The following PCNA variants were observed in gnomAD, a reference collection of about 807,000 sequenced individuals.
PCNA encodes DNA sliding clamp PCNA.
In PCNA, 4 loss-of-function variants were observed where a neutral mutation model predicts 27.8. That is an observed-to-expected ratio of 0.14 (90% CI 0.07 to 0.33). PCNA has a LOEUF of 0.33. PCNA is among the 10% of genes least tolerant of loss of function. The pLI, the probability that PCNA is intolerant of heterozygous loss-of-function variation, is 1.00. For synonymous variants in PCNA, 121 were observed against 119.4 expected (o/e 1.01, Z -0.09); for missense variants, 165 against 327.4 (o/e 0.50, Z 3.83).
At chr20:5,117,984 T>G (rs1245013267) in intron 3 of PCNA, among the ~76,000 whole-genome samples, 1 of 152,234 alleles carries the variant, frequency 6.6e-6, no homozygotes, top group Admixed American at 6.5e-5. Context: ...ATATTAGGCA[T>G]TTTCAACATT....
intron 3 of PCNA, 45 bp downstream of exon 3, chr20:5,118,565 C>T: frequency 2.3e-6 from 3 of 1,291,188 alleles, no homozygotes; most frequent in Non-Finnish European, 3.4e-6. Flanking sequence ...ACATAACTAT[C>T]GTGCCTGTGT....
upstream of PCNA, among the ~76,000 whole-genome samples, chr20:5,124,279 G>A (rs1416356581): frequency 6.6e-6 from 1 of 152,054 alleles, no homozygotes. Flanking sequence ...ACAGAAATTC[G>A]ATCTCTAGGG....
intron 1 of PCNA, chr20:5,126,393 A>C (rs889899503): frequency 6.6e-6 from 1 of 152,292 alleles, no homozygotes; most frequent in Admixed American, 6.5e-5. Flanking sequence ...AAAGCAAAGC[A>C]GACTGAAGCG....
At chr20:5,119,001 G>C (rs1180146113) in intron 1 of PCNA, 135 bp from the exon 2 acceptor site, 3 of 642,448 alleles carry the variant, frequency 4.7e-6, no homozygotes, top group Non-Finnish European at 8.4e-6. Context: ...CGGACTGCTG[G>C]AGGATGCCAT....
chr20:5,116,458 C>G (rs1025016011), intron 4 of PCNA, among the ~76,000 whole-genome samples: 1 of 152,074 alleles, frequency 6.6e-6, no homozygotes, highest in Non-Finnish European at 1.5e-5. Flanking sequence ...TGAATTTTAC[C>G]TTTATTTAAA....
chr20:5,115,620 T>A lies in PCNA; in HGVS notation c.583-48A>T, dbSNP rs199978245. The A allele has an allele frequency of 2.3e-5, 34 of 1,484,266 alleles. No individual in the cohort carries two copies. In the East Asian group the frequency reaches 7.0e-4, roughly 31 times the overall value. The allele number at this position is 1,484,266 out of a possible 1,614,324, so 91.9% of individuals were successfully genotyped here. On this transcript the variant is annotated intron_variant, in intron 4 of 5. Transcript: ENST00000379143. ...TTGAAAAACATCAAGAAAGTTGCAA[T>A]CTATTAGCTCATTATATATTTATAA...
chr20:5,124,628 A>T (rs1211249987), upstream of PCNA, among the ~76,000 whole-genome samples: 2 of 143,054 alleles, frequency 1.4e-5, no homozygotes, highest in South Asian at 2.2e-4. Flanking sequence ...GAAACTGTCT[A>T]AAAAAAAAAA....
rs1029779948 is a variant in PCNA at position 5,115,259 on chromosome 20, T to C, written c.*24A>G. ...AAGCAGTTCTCAAAGAGCTTAGTTT[T>C]ATTTTCTTGAATTTTAAGAATGCCT... On this transcript the variant is annotated 3_prime_UTR_variant, in exon 6 of 6. Coordinates refer to ENST00000379143, the MANE Select transcript of PCNA (RefSeq NM_182649.2). The C allele has an allele frequency of 1.3e-6, 2 of 1,589,998 alleles. No homozygotes were observed. Among genetic ancestry groups the C allele is most frequent in the Non-Finnish European group, 1.7e-6 (2 of 1,158,966 alleles).
chr20:5,118,405 G>C (rs1458678792), intron 3 of PCNA, among the ~76,000 whole-genome samples: 1 of 152,092 alleles, frequency 6.6e-6, no homozygotes, highest in African/African-American at 2.4e-5. Flanking sequence ...GGACAGGCCC[G>C]TAGTCCTTCC....
chr20:5,117,766 A>C, intron 3 of PCNA, 102 bp from the exon 4 acceptor site: 1 of 635,838 alleles, frequency 1.6e-6, no homozygotes, highest in South Asian at 2.3e-5. Context: ...CAGAATCAAT[A>C]TTTTCTGATT....
chr20:5,119,642 G>T lies in PCNA; in HGVS notation c.157C>A (p.Arg53=). ...SHVSLVQLTL[R]SEGFDTYRCD... ...CGGTAGGTGTCGAAGCCCTCAGACC[G>T]CAGGGTGAGCTGCACCAAAGAGACG... The change falls in exon 1 of 6, where the codon CGG becomes AGG. Residue 53 remains arginine (R), a synonymous_variant. Transcript: ENST00000379143. 1 of 1,613,686 alleles carries T rather than the reference G, an allele frequency of 6.2e-7. No individual in the cohort carries two copies. Among genetic ancestry groups the T allele is most frequent in the Non-Finnish European group, 8.5e-7 (1 of 1,179,876 alleles).
rs575976610 is a variant in PCNA, at chr20:5,119,875, T to G, written c.-77A>C. 2.2e-5 allele frequency: 26 copies of G among 1,200,394 alleles called. No homozygotes were observed. In the African/African-American group the frequency reaches 3.6e-4, roughly 17 times the overall value. 74.4% of individuals were successfully genotyped at this position (1,200,394 alleles called of 1,614,324 possible). A position where few individuals can be genotyped will look rare whatever the true frequency, so the allele number is the denominator to read the frequency against. On this transcript the variant is annotated 5_prime_UTR_variant, in exon 1 of 6. Transcript: ENST00000379143. ...CTAGCTGGTTTCGGCTTCAGGAGCC[T>G]CAGAGCGAGCGGGCGAACGTCGCGA...
upstream of PCNA, chr20:5,120,157 C>T (rs2090508941): frequency 1.1e-5 from 3 of 265,592 alleles, no homozygotes; most frequent in Admixed American, 1.5e-4. Context: ...GCCTCTTTGA[C>T]TCCTGAACCC....
chr20:5,115,064 A>G lies in PCNA; in HGVS notation c.*219T>C. The stretch of plus-strand genomic sequence containing the variant: ...AAATCACAAGTATTTCTAAGAGACA[A>G]AAATACTTCTAGGTTAACTAGACCA... On this transcript the variant is annotated 3_prime_UTR_variant, in exon 6 of 6. Transcript: ENST00000379143. 2.4e-6 allele frequency: 1 copy of G among 420,798 alleles called. No homozygotes were observed. The highest frequency in any genetic ancestry group is 4.0e-5 in the East Asian group (1 of 24,696). 26.1% of individuals were successfully genotyped at this position (420,798 alleles called of 1,614,324 possible).
Position 5,119,875 on chromosome 20 carries a change from T to A in PCNA, c.-77A>T. 1 of 1,200,390 alleles carries A rather than the reference T, an allele frequency of 8.3e-7. No homozygotes were observed. 74.4% of individuals were successfully genotyped at this position (1,200,390 alleles called of 1,614,324 possible). The stretch of plus-strand genomic sequence containing the variant: ...CTAGCTGGTTTCGGCTTCAGGAGCC[T>A]CAGAGCGAGCGGGCGAACGTCGCGA... On this transcript the variant is annotated 5_prime_UTR_variant, in exon 1 of 6. Coordinates refer to ENST00000379143, the MANE Select transcript of PCNA (RefSeq NM_182649.2).
chr20:5,119,503 G>A (rs1354399795), intron 1 of PCNA, 75 bp downstream of exon 1: 1 of 1,235,582 alleles, frequency 8.1e-7, no homozygotes, highest in Admixed American at 2.1e-5. Context: ...ATGAGGGCTA[G>A]GCTCGAAAGC....
chr20:5,118,949 ACT>A, intron 1 of PCNA, 83 bp from the exon 2 acceptor site: 1 of 861,952 alleles, frequency 1.2e-6, no homozygotes. Flanking sequence ...AGGGGTTACC[ACT>A]CTCACCCATC....
chr20:5,117,793 T>C (rs1293202211), intron 3 of PCNA, 129 bp from the exon 4 acceptor site: 13 of 577,984 alleles, frequency 2.2e-5, no homozygotes, highest in Non-Finnish European at 3.7e-5. Context: ...AAATATGACT[T>C]GCGTAATTTC....
intron 4 of PCNA, among the ~76,000 whole-genome samples, chr20:5,116,503 G>C (rs963867635): frequency 2.0e-5 from 3 of 152,136 alleles, no homozygotes; most frequent in African/African-American, 7.2e-5. Context: ...GGACAAGAGA[G>C]CAATATATAG....
Sources: gnomAD v4.1 joint callset for allele counts (sites outside exome capture counted in the v4.1 genomes callset) on GRCh38, gnomAD v4.1.1 for gene constraint, MANE v1.5 for transcripts, NCBI Gene and HGNC (gene_info 2026-07-23, HGNC 2026-07-21) for gene names.